Variants in MAF observed in about 807,000 individuals in gnomAD.
MAF encodes MAF bZIP transcription factor, also known as transcription factor Maf.
In MAF, 10 loss-of-function variants were observed where a neutral mutation model predicts 22.0. The ratio of observed to expected loss-of-function variants is 0.45; its 90% CI spans 0.28 to 0.77. MAF has a LOEUF of 0.77. Ranked by LOEUF, MAF falls within the 30% of genes least tolerant of loss-of-function variation. The probability of loss-of-function intolerance (pLI) is 0.12; values close to 1 mark genes in which losing one functional copy is unlikely to be tolerated. For missense variants in MAF, 544 were observed against 548.4 expected (o/e 0.99, Z 0.08); for synonymous variants, 337 against 255.8 (o/e 1.32, Z -3.03).
chr16:79,224,197 T>G, the MAF span, among the ~76,000 whole-genome samples: 4 of 152,218 alleles, frequency 2.6e-5, no homozygotes, highest in Non-Finnish European at 5.9e-5. Flanking sequence ...GATGCAAGGC[T>G]GGTTTAACAT....
At chr16:79,206,427 T>C in the MAF span, 1 of 152,238 alleles carries the variant, frequency 6.6e-6, no homozygotes, top group African/African-American at 2.4e-5. Context: ...TTGCTTTTGA[T>C]CTCTGATATC....
chr16:79,531,793 T>G, the MAF span, among the ~76,000 whole-genome samples: 11 of 152,042 alleles, frequency 7.2e-5, no homozygotes, highest in Non-Finnish European at 1.6e-4. Context: ...TGTGACCTGG[T>G]TCCTAAGAGG....
chr16:79,491,303 G>T, the MAF span, among the ~76,000 whole-genome samples: 1 of 152,204 alleles, frequency 6.6e-6, no homozygotes, highest in Non-Finnish European at 1.5e-5. Flanking sequence ...TTGGGAGGTA[G>T]TAGCTGCCTC....
the MAF span, among the ~76,000 whole-genome samples, chr16:79,218,893 G>C: frequency 6.6e-6 from 1 of 152,090 alleles, no homozygotes; most frequent in African/African-American, 2.4e-5. Context: ...GATTCCATCT[G>C]AATGCAGTGC....
At chr16:79,326,647 G>A in the MAF span, among the ~76,000 whole-genome samples, 85,571 of 151,834 alleles carry the variant, frequency 0.56, 24,947 homozygotes, top group Non-Finnish European at 0.65. Context: ...TACGGTTTCT[G>A]TTGCAACTGT....
At chr16:79,497,672 C>T in the MAF span, among the ~76,000 whole-genome samples, 1 of 152,170 alleles carries the variant, frequency 6.6e-6, no homozygotes, top group South Asian at 2.1e-4. Flanking sequence ...ATGCTTTGAA[C>T]CCCAGCACCT....
At chr16:79,291,861 T>C in the MAF span, among the ~76,000 whole-genome samples, 2 of 149,994 alleles carry the variant, frequency 1.3e-5, no homozygotes, top group South Asian at 2.2e-4. Context: ...GTATCACCTC[T>C]CCTGGTGAAG....
the MAF span, among the ~76,000 whole-genome samples, chr16:79,511,560 G>A: frequency 6.6e-6 from 1 of 152,222 alleles, no homozygotes; most frequent in African/African-American, 2.4e-5. Context: ...TTAGAGCCAG[G>A]AGAGAGATGT....
chr16:79,470,184 C>A, the MAF span, among the ~76,000 whole-genome samples: 1 of 152,198 alleles, frequency 6.6e-6, no homozygotes, highest in Non-Finnish European at 1.5e-5. Context: ...ATCACATGAG[C>A]GGCGGAGATA....
the MAF span, among the ~76,000 whole-genome samples, chr16:79,468,482 C>A: frequency 6.6e-6 from 1 of 152,182 alleles, no homozygotes; most frequent in Non-Finnish European, 1.5e-5. Flanking sequence ...TTGTTTGGCC[C>A]GTCTGCTCTT....
the MAF span, among the ~76,000 whole-genome samples, chr16:79,336,034 C>G: frequency 6.6e-6 from 1 of 152,166 alleles, no homozygotes; most frequent in African/African-American, 2.4e-5. Flanking sequence ...CAGGGCTGCG[C>G]TCAGGGCAGA....
At chr16:79,519,876 C>G in the MAF span, among the ~76,000 whole-genome samples, 2 of 152,240 alleles carry the variant, frequency 1.3e-5, no homozygotes, top group Non-Finnish European at 2.9e-5. Context: ...ACTGCTCGCC[C>G]ATCCTGCCTT....
the MAF span, chr16:79,212,058 G>A: frequency 6.5e-7 from 1 of 1,536,330 alleles, no homozygotes; most frequent in African/African-American, 1.4e-5. Flanking sequence ...GTAAAAACCT[G>A]CTTGGTGTGT....
the MAF span, among the ~76,000 whole-genome samples, chr16:79,413,528 C>T: frequency 2.6e-5 from 4 of 151,962 alleles, no homozygotes; most frequent in Admixed American, 6.6e-5. Context: ...CCACCGCGCC[C>T]GGCCGAGCTG....
chr16:79,426,432 G>C, the MAF span, among the ~76,000 whole-genome samples: 2 of 152,136 alleles, frequency 1.3e-5, no homozygotes, highest in Non-Finnish European at 2.9e-5. Context: ...TAATAGAACT[G>C]TGACAATTAC....
the MAF span, among the ~76,000 whole-genome samples, chr16:79,280,631 C>T: frequency 6.6e-6 from 1 of 152,174 alleles, no homozygotes; most frequent in African/African-American, 2.4e-5. Flanking sequence ...GATATTTCTT[C>T]TCTCTGGGGT....
the MAF span, chr16:79,212,253 A>G: frequency 1.1e-5 from 14 of 1,323,836 alleles, no homozygotes; most frequent in East Asian, 2.5e-5. Flanking sequence ...GATCCAGGAG[A>G]TAATTGTTTC....
the MAF span, among the ~76,000 whole-genome samples, chr16:79,507,955 G>T: frequency 1.3e-5 from 2 of 152,214 alleles, no homozygotes; most frequent in African/African-American, 4.8e-5. Context: ...CTTTTTAAGT[G>T]GGGGAAAGGG....
chr16:79,434,273 G>C, the MAF span, among the ~76,000 whole-genome samples: 1 of 152,222 alleles, frequency 6.6e-6, no homozygotes, highest in African/African-American at 2.4e-5. Context: ...CTGAAGCTCA[G>C]TGAAGCTCAC....
Sources: gnomAD v4.1 joint callset for allele counts (sites outside exome capture counted in the v4.1 genomes callset) on GRCh38, gnomAD v4.1.1 for gene constraint, MANE v1.5 for transcripts, NCBI Gene and HGNC (gene_info 2026-07-23, HGNC 2026-07-21) for gene names.